Variants in MAGI2 observed in about 807,000 individuals in gnomAD.
MAGI2 encodes membrane-associated guanylate kinase, WW and PDZ domain-containing protein 2.
Under a neutral mutation model 133.3 loss-of-function variants are expected in MAGI2, and 35 were observed. That is an observed-to-expected ratio of 0.26 (90% CI 0.20 to 0.35). MAGI2 has a LOEUF of 0.35. MAGI2 is among the 10% of genes least tolerant of loss of function. The probability of loss-of-function intolerance (pLI) is 1.00; values close to 1 mark genes in which losing one functional copy is unlikely to be tolerated. For missense variants in MAGI2, 1,636 were observed against 1,863.4 expected (o/e 0.88, Z 2.25); for synonymous variants, 729 against 710.6 (o/e 1.03, Z -0.41).
intron 2 of MAGI2, among the ~76,000 whole-genome samples, chr7:78,949,886 C>G (rs1050808180): frequency 6.6e-6 from 1 of 152,180 alleles, no homozygotes; most frequent in African/African-American, 2.4e-5. Flanking sequence ...CCTTGCTCCC[C>G]TTCGGCTTCT....
intron 1 of MAGI2, among the ~76,000 whole-genome samples, chr7:79,069,528 C>T (rs987432802): frequency 5.0e-4 from 14 of 28,096 alleles, no homozygotes; most frequent in Non-Finnish European, 7.9e-4. Flanking sequence ...TACAACACAC[C>T]GATGGGTCTT....
chr7:78,627,044 G>A, intron 3 of MAGI2, 76 bp downstream of exon 3: 5 of 1,425,608 alleles, frequency 3.5e-6, no homozygotes, highest in Non-Finnish European at 4.6e-6. Flanking sequence ...TAGTAACCTG[G>A]TGTCCCCGTG....
intron 3 of MAGI2, chr7:78,615,744 T>C (rs1235651673): frequency 6.6e-6 from 1 of 152,236 alleles, no homozygotes; most frequent in Non-Finnish European, 1.5e-5. Flanking sequence ...GATTACGTCA[T>C]TTTGGGCCTA....
chr7:78,319,644 T>A (rs1466506297), intron 9 of MAGI2, among the ~76,000 whole-genome samples: 1 of 152,136 alleles, frequency 6.6e-6, no homozygotes, highest in African/African-American at 2.4e-5. Context: ...AGAGGGAAAT[T>A]TATAGCACTA....
intron 1 of MAGI2, among the ~76,000 whole-genome samples, chr7:79,077,476 G>T (rs745691770): frequency 1.3e-5 from 2 of 150,844 alleles, no homozygotes; most frequent in Non-Finnish European, 3.0e-5. Flanking sequence ...TCAGGAGGCG[G>T]AGGCAGGAGA....
At chr7:79,245,597 G>T (rs748208344) in intron 1 of MAGI2, among the ~76,000 whole-genome samples, 4 of 152,188 alleles carry the variant, frequency 2.6e-5, no homozygotes, top group Non-Finnish European at 2.9e-5. Context: ...TGGCTTGGGT[G>T]CTAGCTCAGC....
intron 1 of MAGI2, among the ~76,000 whole-genome samples, chr7:79,213,817 T>G (rs1184790765): frequency 6.6e-6 from 1 of 152,072 alleles, no homozygotes; most frequent in Admixed American, 6.5e-5. Context: ...AGAATTATTT[T>G]TTGTTTCCTG....
chr7:78,304,131 T>C lies in MAGI2; in HGVS notation c.1408+39647A>G, dbSNP rs548269588. 4.6e-5 allele frequency among the ~76,000 whole-genome samples: 7 copies of C among 152,330 alleles called. No individual in the cohort carries two copies. In the South Asian group the frequency reaches 1.4e-3, roughly 32 times the overall value. On this transcript the variant is annotated intron_variant, in intron 9 of 21. Coordinates refer to ENST00000354212, the MANE Select transcript of MAGI2 (RefSeq NM_012301.4). ...TTTTACCTTCAAAAACTATCCTGAC[T>C]CTTACACTTTCATTGCTCTCATACC...
At chr7:78,611,833 A>G (rs1313323991) in intron 3 of MAGI2, among the ~76,000 whole-genome samples, 2 of 152,160 alleles carry the variant, frequency 1.3e-5, no homozygotes, top group South Asian at 4.1e-4. Context: ...GTTGTAAATG[A>G]TTGTCCTACA....
intron 16 of MAGI2, among the ~76,000 whole-genome samples, chr7:78,158,748 A>G (rs1261828228): frequency 6.6e-6 from 1 of 152,204 alleles, no homozygotes; most frequent in Non-Finnish European, 1.5e-5. Flanking sequence ...CTGGGGACCA[A>G]TCTGCCTTTG....
intron 15 of MAGI2, among the ~76,000 whole-genome samples, chr7:78,165,998 G>A (rs1007410946): frequency 6.6e-6 from 1 of 152,074 alleles, no homozygotes; most frequent in East Asian, 1.9e-4. Context: ...GAATAAACTT[G>A]GAAACTCTCC....
Position 78,540,681 on chromosome 7 carries a change from C to T in MAGI2, c.539-19036G>A, listed in dbSNP as rs114013377. 8.0e-3 allele frequency among the ~76,000 whole-genome samples: 1,222 copies of T among 152,234 alleles called. 18 individuals carry two copies. The highest frequency in any genetic ancestry group is 0.028 in the African/African-American group (1,152 of 41,526). On this transcript the variant is annotated intron_variant, in intron 3 of 21. Coordinates refer to ENST00000354212, the MANE Select transcript of MAGI2 (RefSeq NM_012301.4). Reference sequence around the variant, plus strand: ...AAGTTTCCTTCTCTCTGTGGTCCTTCGCCAATTCTACTGGCAGCCCTCCCT... The same window carrying T: ...AAGTTTCCTTCTCTCTGTGGTCCTTTGCCAATTCTACTGGCAGCCCTCCCT...
At chr7:79,174,422 C>G (rs1036278981) in intron 1 of MAGI2, among the ~76,000 whole-genome samples, 1 of 151,980 alleles carries the variant, frequency 6.6e-6, no homozygotes, top group Non-Finnish European at 1.5e-5. Flanking sequence ...TGAATTCACA[C>G]ATACACAAAT....
intron 2 of MAGI2, among the ~76,000 whole-genome samples, chr7:78,638,184 G>A (rs528541150): frequency 1.3e-5 from 2 of 152,268 alleles, no homozygotes; most frequent in Admixed American, 1.3e-4. Flanking sequence ...CACTTTTGAA[G>A]TTGATGTATA....
chr7:78,888,227 C>A (rs1168225593), intron 2 of MAGI2, among the ~76,000 whole-genome samples: 1 of 152,172 alleles, frequency 6.6e-6, no homozygotes, highest in South Asian at 2.1e-4. Flanking sequence ...AACAAAGCGG[C>A]CAGGAAGCTC....
intron 1 of MAGI2, among the ~76,000 whole-genome samples, chr7:79,094,779 A>G (rs968949917): frequency 2.0e-5 from 3 of 152,202 alleles, no homozygotes; most frequent in South Asian, 2.1e-4. Context: ...TTTGAAAGGA[A>G]TCTTTTTCTG....
At chr7:78,629,870 G>A (rs981532879) in intron 2 of MAGI2, among the ~76,000 whole-genome samples, 15 of 151,818 alleles carry the variant, frequency 9.9e-5, no homozygotes, top group Admixed American at 7.2e-4. Flanking sequence ...CATTACTCTC[G>A]TATTTTTCCT....
At chr7:78,859,395 GT>G (rs1267711890) in intron 2 of MAGI2, among the ~76,000 whole-genome samples, 2 of 151,106 alleles carry the variant, frequency 1.3e-5, no homozygotes, top group African/African-American at 4.8e-5. Context: ...TCCTTTCCAT[GT>G]TTAGTTCTTC....
intron 6 of MAGI2, among the ~76,000 whole-genome samples, chr7:78,481,268 G>T (rs1305461333): frequency 1.3e-5 from 2 of 151,912 alleles, no homozygotes; most frequent in African/African-American, 4.8e-5. Flanking sequence ...TATAATCATG[G>T]CAGAAGGGGA....
Sources: allele counts gnomAD v4.1 joint callset (sites outside exome capture counted in the v4.1 genomes callset), GRCh38; gene constraint gnomAD v4.1.1; transcripts MANE v1.5; gene names NCBI Gene and HGNC (gene_info 2026-07-23, HGNC 2026-07-21).